ARNT2: variants seen among roughly 807,000 people sequenced by gnomAD.
The protein encoded by ARNT2 is aryl hydrocarbon receptor nuclear translocator 2.
Under a neutral mutation model 91.7 loss-of-function variants are expected in ARNT2, and 36 were observed. The observed-to-expected ratio is 0.39, with a 90% CI of 0.30 to 0.52. The LOEUF (loss-of-function observed/expected upper bound fraction) is 0.52. ARNT2 is among the 20% of genes least tolerant of loss of function. The pLI is 0.72. For missense variants in ARNT2, 775 were observed against 939.3 expected (o/e 0.83, Z 2.29); for synonymous variants, 365 against 347.1 (o/e 1.05, Z -0.57).
chr15:80,476,358 T>G (rs538810847), intron 5 of ARNT2, among the ~76,000 whole-genome samples: 1 of 152,374 alleles, frequency 6.6e-6, no homozygotes, highest in South Asian at 2.1e-4. Flanking sequence ...ACAACCTTTC[T>G]ATGTTCATCT....
At chr15:80,490,810 A>C (rs1430486600) in intron 5 of ARNT2, among the ~76,000 whole-genome samples, 1 of 152,264 alleles carries the variant, frequency 6.6e-6, no homozygotes, top group Non-Finnish European at 1.5e-5. Context: ...GCAGCAATGC[A>C]TGAAACTGTG....
At chr15:80,480,916 G>T (rs1174908692) in intron 5 of ARNT2, among the ~76,000 whole-genome samples, 1 of 152,074 alleles carries the variant, frequency 6.6e-6, no homozygotes, top group Non-Finnish European at 1.5e-5. Flanking sequence ...CTGTAGAAAG[G>T]TTATGTGGGA....
chr15:80,422,572 T>A (rs1895874653), intron 1 of ARNT2, among the ~76,000 whole-genome samples: 1 of 152,190 alleles, frequency 6.6e-6, no homozygotes. Flanking sequence ...TCTGGAAGAT[T>A]TAAGTAAGTG....
intron 8 of ARNT2, among the ~76,000 whole-genome samples, chr15:80,525,620 G>A (rs1897628251): frequency 6.6e-6 from 1 of 152,128 alleles, no homozygotes; most frequent in South Asian, 2.1e-4. Flanking sequence ...TTTGAGGGAT[G>A]GGTATGTGAA....
chr15:80,469,624 G>A (rs1275242004), intron 3 of ARNT2, among the ~76,000 whole-genome samples: 3 of 151,798 alleles, frequency 2.0e-5, no homozygotes, highest in South Asian at 2.1e-4. Context: ...GTGTGTGCAC[G>A]TGTGTATATC....
intron 8 of ARNT2, among the ~76,000 whole-genome samples, chr15:80,535,888 G>T (rs895482174): frequency 2.6e-5 from 4 of 152,118 alleles, no homozygotes; most frequent in African/African-American, 9.7e-5. Context: ...TCCCTGTGGT[G>T]TTTGTTGTTT....
At chr15:80,415,601 G>C (rs1016382040) in intron 1 of ARNT2, among the ~76,000 whole-genome samples, 1 of 152,200 alleles carries the variant, frequency 6.6e-6, no homozygotes, top group Non-Finnish European at 1.5e-5. Flanking sequence ...AGGCCTGCCC[G>C]GAGGCCATTT....
chr15:80,462,593 G>T (rs993967466), intron 3 of ARNT2, among the ~76,000 whole-genome samples: 1 of 152,258 alleles, frequency 6.6e-6, no homozygotes, highest in East Asian at 1.9e-4. Context: ...AGGAGTTCTC[G>T]TATCTGTTGC....
chr15:80,563,302 C>T lies in ARNT2; in HGVS notation c.1316+63C>T, dbSNP rs894384279. On this transcript the variant is annotated intron_variant, in intron 12 of 18. Coordinates refer to ENST00000303329, the MANE Select transcript of ARNT2 (RefSeq NM_014862.4). Reference sequence around the variant, plus strand: ...TGCGCTTGCTTGGGTCCAGAGCTGGCAATTTTATTTGGAGTTCTTTCTCCC... The same window carrying T: ...TGCGCTTGCTTGGGTCCAGAGCTGGTAATTTTATTTGGAGTTCTTTCTCCC... 5 of 1,593,082 alleles carry T rather than the reference C, an allele frequency of 3.1e-6. No individual in the cohort carries two copies. The African/African-American group carries it at 4.0e-5, about 13-fold the overall frequency.
intron 1 of ARNT2, among the ~76,000 whole-genome samples, chr15:80,425,983 C>G (rs1276956273): frequency 6.6e-6 from 1 of 152,062 alleles, no homozygotes; most frequent in Non-Finnish European, 1.5e-5. Context: ...ATCGCTTGAG[C>G]TCAGGAGTTC....
At chr15:80,543,985 C>A (rs1047565542) in intron 8 of ARNT2, among the ~76,000 whole-genome samples, 3 of 152,160 alleles carry the variant, frequency 2.0e-5, no homozygotes, top group African/African-American at 7.2e-5. Flanking sequence ...AAGTGATCTG[C>A]CCACTTCAGC....
chr15:80,515,314 C>T (rs1225444508), intron 8 of ARNT2, among the ~76,000 whole-genome samples: 1 of 151,730 alleles, frequency 6.6e-6, no homozygotes, highest in Non-Finnish European at 1.5e-5. Context: ...TCATAATGGC[C>T]AAAAAATGGA....
At chr15:80,432,412 T>C (rs564816434) in intron 1 of ARNT2, among the ~76,000 whole-genome samples, 23 of 152,230 alleles carry the variant, frequency 1.5e-4, no homozygotes, top group African/African-American at 5.5e-4. Flanking sequence ...CATTTTTAAA[T>C]TGATGGAAAA....
chr15:80,416,626 T>TTTTGTTTG (rs143681861), intron 1 of ARNT2, among the ~76,000 whole-genome samples: 1 of 151,850 alleles, frequency 6.6e-6, no homozygotes, highest in African/African-American at 2.4e-5. Context: ...TCTCAGTTTT[T>TTTTGTTTG]TTTGTTTGTT....
chr15:80,588,588 A>T (rs570240309), intron 17 of ARNT2, among the ~76,000 whole-genome samples: 1 of 151,662 alleles, frequency 6.6e-6, no homozygotes, highest in Non-Finnish European at 1.5e-5. Flanking sequence ...GACTTGCCTG[A>T]TCTCACTCTA....
intron 1 of ARNT2, among the ~76,000 whole-genome samples, chr15:80,420,939 A>C (rs577790667): frequency 3.9e-5 from 6 of 152,328 alleles, no homozygotes; most frequent in African/African-American, 1.4e-4. Context: ...CATTATGTCA[A>C]AACAGCACAT....
In ARNT2 at chr15:80,441,367, C is replaced by T. The variant is rs191269824; in HGVS notation, c.32-9513C>T. 3.3e-4 allele frequency: 322 copies of T among 985,284 alleles called. 2 individuals carry two copies. Among genetic ancestry groups the T allele is most frequent in the Admixed American group, 7.4e-4 (12 of 16,284 alleles). The allele number at this position is 985,284 out of a possible 1,614,324, so 61.0% of individuals were successfully genotyped here. A position where few individuals can be genotyped will look rare whatever the true frequency, so the allele number is the denominator to read the frequency against. On this transcript the variant is annotated intron_variant, in intron 1 of 18. Transcript: ENST00000303329. ...CAAGGAAGAAAGATCTTTGTTTAAT[C>T]CCTCTGAAAAGGTAGGGCTGTGATA...
rs116716815 is a variant in ARNT2, at chr15:80,409,173, G to A, written c.31+4627G>A. Among the ~76,000 whole-genome samples, 1,488 of 152,216 alleles carry A rather than the reference G, an allele frequency of 9.8e-3. 35 individuals carry two copies. Among genetic ancestry groups the A allele is most frequent in the African/African-American group, 0.034 (1,426 of 41,508 alleles). On this transcript the variant is annotated intron_variant, in intron 1 of 18. Coordinates refer to ENST00000303329, the MANE Select transcript of ARNT2 (RefSeq NM_014862.4). Reference sequence around the variant, plus strand: ...CAAATGTATATGACTTATATCTACCGTTATAATATCATGCAGAGTATTTTC... The same window carrying A: ...CAAATGTATATGACTTATATCTACCATTATAATATCATGCAGAGTATTTTC...
rs886294477 is a variant in ARNT2 at position 80,579,335 on chromosome 15, A to G, written c.1614-1076A>G. ...AGGAATTGATTGTATGAAGACAGAAATGATGTCCCCTTTATATAAGCCACT... is the reference window on the plus strand; with the variant it reads ...AGGAATTGATTGTATGAAGACAGAAGTGATGTCCCCTTTATATAAGCCACT... On this transcript the variant is annotated intron_variant, in intron 15 of 18. Transcript: ENST00000303329. 3.3e-5 allele frequency among the ~76,000 whole-genome samples: 5 copies of G among 152,344 alleles called. No homozygotes were observed. In the East Asian group the frequency reaches 7.7e-4, roughly 23 times the overall value.
Sources: allele counts gnomAD v4.1 joint callset (sites outside exome capture counted in the v4.1 genomes callset), GRCh38; gene constraint gnomAD v4.1.1; transcripts MANE v1.5; gene names NCBI Gene and HGNC (gene_info 2026-07-23, HGNC 2026-07-21).